SLC16A2: variants seen among roughly 807,000 people sequenced by gnomAD.
The protein encoded by SLC16A2 is solute carrier family 16 member 2.
In SLC16A2, 3 loss-of-function variants were observed where a neutral mutation model predicts 27.2. The ratio of observed to expected loss-of-function variants is 0.11; its 90% CI spans 0.05 to 0.28. The LOEUF (loss-of-function observed/expected upper bound fraction) is 0.28, where lower values mean the gene tolerates loss of function less well. SLC16A2 is among the 10% of genes least tolerant of loss of function. SLC16A2 has a pLI of 1.00. For missense variants in SLC16A2, 295 were observed against 458.5 expected, an observed-to-expected ratio of 0.64 and a Z score of 3.26; for synonymous variants, 202 against 187.8, an observed-to-expected ratio of 1.08 and a Z score of -0.62.
chrX:74,479,069 G>T (rs772337003), intron 1 of SLC16A2, among the ~76,000 whole-genome samples: 58 of 111,822 alleles, frequency 5.2e-4, no homozygotes, highest in Admixed American at 2.7e-3. Flanking sequence ...GATAATATCC[G>T]GCAGAGTGTT....
intron 1 of SLC16A2, among the ~76,000 whole-genome samples, chrX:74,452,908 C>T (rs1928968553): frequency 9.0e-6 from 1 of 111,347 alleles, no homozygotes. Flanking sequence ...TTGAACAATT[C>T]AGTTCAAGAT....
chrX:74,472,418 T>A (rs1439159722), intron 1 of SLC16A2, among the ~76,000 whole-genome samples: 1 of 111,741 alleles, frequency 8.9e-6, no homozygotes, highest in Non-Finnish European at 1.9e-5. Flanking sequence ...TGTATGTGAA[T>A]ATCTAGTTGA....
chrX:74,459,325 C>A (rs746686469), intron 1 of SLC16A2, among the ~76,000 whole-genome samples: 11 of 73,530 alleles, frequency 1.5e-4, no homozygotes, highest in East Asian at 8.4e-4. Flanking sequence ...CCAGTGCCCC[C>A]CCAGGGGCTG....
At chrX:74,523,384 G>A (rs1220946194) in intron 2 of SLC16A2, among the ~76,000 whole-genome samples, 1 of 112,621 alleles carries the variant, frequency 8.9e-6, no homozygotes, top group Non-Finnish European at 1.9e-5. Flanking sequence ...TGACCAAGAA[G>A]AGTATTAGGT....
At chrX:74,500,155 A>G (rs1162451339) in intron 1 of SLC16A2, among the ~76,000 whole-genome samples, 1 of 110,677 alleles carries the variant, frequency 9.0e-6, no homozygotes, top group Non-Finnish European at 1.9e-5. Context: ...GTTTGTGCAC[A>G]TTCTCTATAA....
chrX:74,439,158 C>CTCTTTCTTTCTTTCTTTCTTTCTTTCTT lies in SLC16A2; in HGVS notation c.430+17093_430+17120dup, dbSNP rs765500073. ...CTCTCTCTCTCTCTGGCTTGCTCAACTCTTTCTTTCTTTCTTTCTTTCTTT... is the reference window on the plus strand; with the variant it reads ...CTCTCTCTCTCTCTGGCTTGCTCAACTCTTTCTTTCTTTCTTTCTTTCTTTCTTTCTTTCTTTCTTTCTTTCTTTCTTT... On this transcript the variant is annotated intron_variant, in intron 1 of 5. Transcript: ENST00000587091. Among the ~76,000 whole-genome samples the CTCTTTCTTTCTTTCTTTCTTTCTTTCTT allele has an allele frequency of 1.0e-3, 65 of 62,204 alleles. 4 individuals carry two copies. The highest frequency in any genetic ancestry group is 4.8e-3 in the African/African-American group (61 of 12,677). 54.0% of individuals were successfully genotyped at this position (62,204 alleles called of 115,157 possible). A position where few individuals can be genotyped will look rare whatever the true frequency, so the allele number is the denominator to read the frequency against.
At chrX:74,466,601 G>A (rs1929255476) in intron 1 of SLC16A2, among the ~76,000 whole-genome samples, 1 of 112,002 alleles carries the variant, frequency 8.9e-6, no homozygotes, top group Non-Finnish European at 1.9e-5. Context: ...TACATGTTTA[G>A]CACAGACACA....
At chrX:74,512,177 T>C (rs917507834) in intron 1 of SLC16A2, among the ~76,000 whole-genome samples, 1 of 112,082 alleles carries the variant, frequency 8.9e-6, no homozygotes, top group Admixed American at 9.5e-5. Context: ...CCAATACCAT[T>C]CCAACTATCC....
intron 1 of SLC16A2, chrX:74,473,249 C>T (rs776861023): frequency 2.0e-5 from 15 of 741,897 alleles, no homozygotes; most frequent in Middle Eastern, 4.4e-4. Flanking sequence ...TAGCCATCCC[C>T]ACCGCCACCA....
chrX:74,437,335 A>T (rs1459606820), intron 1 of SLC16A2, among the ~76,000 whole-genome samples: 1 of 112,343 alleles, frequency 8.9e-6, no homozygotes, highest in African/African-American at 3.2e-5. Context: ...CATGATACGG[A>T]AGAGGAATGT....
intron 1 of SLC16A2, among the ~76,000 whole-genome samples, chrX:74,520,693 C>T (rs1173637531): frequency 2.7e-5 from 3 of 111,921 alleles, no homozygotes; most frequent in Non-Finnish European, 5.6e-5. Context: ...AAGCTTAACC[C>T]CAATGTTTTT....
chrX:74,468,884 A>G (rs1929301140), intron 1 of SLC16A2, among the ~76,000 whole-genome samples: 1 of 111,419 alleles, frequency 9.0e-6, no homozygotes, highest in Non-Finnish European at 1.9e-5. Flanking sequence ...TTGTAACTAT[A>G]GGCACCCTAT....
At chrX:74,432,939 C>T (rs1293197262) in intron 1 of SLC16A2, among the ~76,000 whole-genome samples, 1 of 112,138 alleles carries the variant, frequency 8.9e-6, no homozygotes, top group African/African-American at 3.2e-5. Flanking sequence ...CCCAGCCACC[C>T]TGTTTCCCTC....
intron 1 of SLC16A2, among the ~76,000 whole-genome samples, chrX:74,507,062 C>T (rs113008662): frequency 0.012 from 1,318 of 108,434 alleles, 12 homozygotes; most frequent in African/African-American, 0.039. Context: ...CCCGCTCCCC[C>T]CCCAACCACA....
chrX:74,496,268 ACACACACG>A (rs1246054290), intron 1 of SLC16A2, among the ~76,000 whole-genome samples: 54 of 39,348 alleles, frequency 1.4e-3, no homozygotes, highest in Non-Finnish European at 4.3e-3. Context: ...ACACACACAC[ACACACACG>A]CACACACACA....
intron 1 of SLC16A2, among the ~76,000 whole-genome samples, chrX:74,496,276 GCA>G (rs58357405): frequency 3.0e-4 from 11 of 37,058 alleles, no homozygotes; most frequent in Non-Finnish European, 5.3e-4. Context: ...ACACACACAC[GCA>G]CACACACACA....
chrX:74,523,597 T>A (rs902617081), intron 2 of SLC16A2, among the ~76,000 whole-genome samples: 4 of 111,630 alleles, frequency 3.6e-5, no homozygotes, highest in Non-Finnish European at 5.6e-5. Flanking sequence ...CCAGGACCTG[T>A]CTTACTTGGC....
At chrX:74,435,517 A>T (rs1431920219) in intron 1 of SLC16A2, among the ~76,000 whole-genome samples, 1 of 65,964 alleles carries the variant, frequency 1.5e-5, no homozygotes, top group African/African-American at 8.6e-5. Context: ...ATATGCATAT[A>T]TATATATGCA....
intron 1 of SLC16A2, among the ~76,000 whole-genome samples, chrX:74,508,490 T>A (rs1413758651): frequency 8.9e-6 from 1 of 112,605 alleles, no homozygotes; most frequent in African/African-American, 3.2e-5. Context: ...TGTTTAATTA[T>A]CCATTGCTAG....
Sources: allele counts gnomAD v4.1 joint callset (sites outside exome capture counted in the v4.1 genomes callset), GRCh38; gene constraint gnomAD v4.1.1; transcripts MANE v1.5; gene names NCBI Gene and HGNC (gene_info 2026-07-23, HGNC 2026-07-21).